PAPOLA: variants seen among roughly 807,000 people sequenced by gnomAD.
The protein encoded by PAPOLA is polynucleotide adenylyltransferase alpha.
PAPOLA carries 15 observed loss-of-function variants against 100.6 expected under a neutral mutation model. The ratio of observed to expected loss-of-function variants is 0.15; its 90% CI spans 0.10 to 0.23. PAPOLA has a LOEUF of 0.23. PAPOLA is among the 10% of genes least tolerant of loss of function. The pLI, the probability that PAPOLA is intolerant of heterozygous loss-of-function variation, is 1.00. For missense variants in PAPOLA, 533 were observed against 884.2 expected (o/e 0.60, Z 5.04); for synonymous variants, 293 against 300.0 (o/e 0.98, Z 0.24).
At chr14:96,528,817 T>C (rs1898735877) in intron 6 of PAPOLA, among the ~76,000 whole-genome samples, 1 of 152,220 alleles carries the variant, frequency 6.6e-6, no homozygotes, top group African/African-American at 2.4e-5. Flanking sequence ...CTGTATTTTA[T>C]GAAAAGTCAA....
chr14:96,522,888 A>G (rs753726570), intron 3 of PAPOLA, among the ~76,000 whole-genome samples: 45 of 152,194 alleles, frequency 3.0e-4, no homozygotes, highest in Non-Finnish European at 6.0e-4. Flanking sequence ...TGTTTAATCT[A>G]TAATATAACT....
chr14:96,520,255 A>C (rs750645483), intron 2 of PAPOLA, 27 bp downstream of exon 2: 3 of 1,558,914 alleles, frequency 1.9e-6, no homozygotes, highest in Non-Finnish European at 2.6e-6. Context: ...TATTTTTTTA[A>C]CTCGGAAACT....
At chr14:96,549,093 C>T (rs1006062102) in intron 16 of PAPOLA, among the ~76,000 whole-genome samples, 6 of 152,064 alleles carry the variant, frequency 3.9e-5, no homozygotes, top group Non-Finnish European at 8.8e-5. Flanking sequence ...TACATAAATA[C>T]ATGTAAATGG....
intron 21 of PAPOLA, among the ~76,000 whole-genome samples, chr14:96,564,497 T>C (rs4905505): frequency 0.022 from 3,345 of 152,220 alleles, 64 homozygotes; most frequent in Non-Finnish European, 0.036. Flanking sequence ...GCTGTATATA[T>C]TTGTTTAATT....
At chr14:96,534,597 A>G (rs1372110459) in intron 10 of PAPOLA, 34 bp downstream of exon 10, 1 of 1,613,670 alleles carries the variant, frequency 6.2e-7, no homozygotes, top group Non-Finnish European at 8.5e-7. Context: ...ACCAATTCAC[A>G]CTGTGCAATA....
intron 11 of PAPOLA, 125 bp downstream of exon 11, chr14:96,536,124 A>G: frequency 9.2e-6 from 6 of 649,816 alleles, no homozygotes; most frequent in Non-Finnish European, 1.4e-5. Context: ...GTGTTCATTT[A>G]TTTATTACAG....
intron 2 of PAPOLA, 155 bp from the exon 3 acceptor site, chr14:96,520,851 C>CGA (rs903398664): frequency 1.7e-4 from 94 of 547,706 alleles, no homozygotes; most frequent in African/African-American, 9.6e-4. Flanking sequence ...AGAGAGAAAG[C>CGA]GAGAGAGAGA....
In PAPOLA at chr14:96,511,582, G is replaced by T. The variant is rs567675562; in HGVS notation, c.9-8473G>T. On this transcript the variant is annotated intron_variant, in intron 1 of 21. Transcript: ENST00000216277. ...TGATTTTATCTTTGTTTCTTTAATGGTTTTTTTCCCAAACTTCTACTTTGC... is the reference window on the plus strand; with the variant it reads ...TGATTTTATCTTTGTTTCTTTAATGTTTTTTTTCCCAAACTTCTACTTTGC... 3.9e-5 allele frequency among the ~76,000 whole-genome samples: 6 copies of T among 152,170 alleles called. No individual in the cohort carries two copies. The South Asian group carries it at 1.0e-3, about 26-fold the overall frequency.
In PAPOLA at chr14:96,502,487, C is replaced by A; in HGVS notation, c.-106C>A. ...TGCGGGAGAGGGGTTGGACCCAGGG[C>A]TGAGGCAGGCCCCCCCCTCCCTCCC... On this transcript the variant is annotated 5_prime_UTR_variant, in exon 1 of 22. The change creates a new upstream start codon in the 5' untranslated region. Transcript: ENST00000216277. 3.5e-6 allele frequency: 3 copies of A among 868,376 alleles called. No individual in the cohort carries two copies. Among genetic ancestry groups the A allele is most frequent in the Non-Finnish European group, 5.5e-6 (3 of 546,298 alleles). 53.8% of individuals were successfully genotyped at this position (868,376 alleles called of 1,614,324 possible).
Position 96,555,965 on chromosome 14 carries a change from G to A in PAPOLA, c.1765+18G>A, listed in dbSNP as rs749702870. 2 of 1,505,938 alleles carry A rather than the reference G, an allele frequency of 1.3e-6. No homozygotes were observed. Among genetic ancestry groups the A allele is most frequent in the African/African-American group, 2.8e-5 (2 of 72,646 alleles). 93.3% of individuals were successfully genotyped at this position (1,505,938 alleles called of 1,614,324 possible). ...CTCAGGGGGTAAGGAGATTGGGTTT[G>A]TCAGGTTTGAGAATTCTTACATTAT... is the stretch of plus-strand genomic sequence containing the variant. On this transcript the variant is annotated intron_variant, in intron 18 of 21. Coordinates refer to ENST00000216277, the MANE Select transcript of PAPOLA (RefSeq NM_032632.5).
chr14:96,528,077 C>A, intron 6 of PAPOLA, 71 bp downstream of exon 6: 1 of 1,038,270 alleles, frequency 9.6e-7, no homozygotes, highest in Non-Finnish European at 1.5e-6. Flanking sequence ...AGGTTAAAAA[C>A]TTGGTTTAAA....
chr14:96,548,020 A>T, intron 16 of PAPOLA, 102 bp downstream of exon 16: 1 of 970,592 alleles, frequency 1.0e-6, no homozygotes, highest in Non-Finnish European at 1.5e-6. Flanking sequence ...AGTCATTTTA[A>T]ATAGATGACA....
chr14:96,550,849 A>G (rs1168325237), intron 16 of PAPOLA, among the ~76,000 whole-genome samples: 1 of 152,226 alleles, frequency 6.6e-6, no homozygotes, highest in Non-Finnish European at 1.5e-5. Context: ...TTGGACTCTT[A>G]TAAATAGCTT....
chr14:96,509,928 G>A (rs967085248), intron 1 of PAPOLA, among the ~76,000 whole-genome samples: 4 of 147,266 alleles, frequency 2.7e-5, no homozygotes, highest in African/African-American at 7.5e-5. Flanking sequence ...CCACTTAGAC[G>A]CCGCTTTGTT....
chr14:96,518,876 G>A (rs1897701273), intron 1 of PAPOLA, among the ~76,000 whole-genome samples: 3 of 151,820 alleles, frequency 2.0e-5, no homozygotes, highest in Non-Finnish European at 2.9e-5. Context: ...GGCCAACATG[G>A]TGAAACCCTG....
At chr14:96,535,722 A>G (rs374523706) in intron 10 of PAPOLA, 157 bp from the exon 11 acceptor site, 1 of 810,490 alleles carries the variant, frequency 1.2e-6, no homozygotes, top group Non-Finnish European at 1.7e-6. Flanking sequence ...AAAAATTCCT[A>G]TAAAAACAAT....
At chr14:96,543,105 T>G (rs1158834599) in intron 14 of PAPOLA, among the ~76,000 whole-genome samples, 1 of 152,144 alleles carries the variant, frequency 6.6e-6, no homozygotes, top group Non-Finnish European at 1.5e-5. Context: ...TTTTTTCTGA[T>G]AATATTCTTC....
At chr14:96,530,503 C>T (rs1474336756) in intron 6 of PAPOLA, among the ~76,000 whole-genome samples, 1 of 151,648 alleles carries the variant, frequency 6.6e-6, no homozygotes, top group Non-Finnish European at 1.5e-5. Flanking sequence ...CCTCCTACCT[C>T]AGCCCCCCCA....
At chr14:96,517,973 G>A (rs1286191129) in intron 1 of PAPOLA, among the ~76,000 whole-genome samples, 2 of 151,880 alleles carry the variant, frequency 1.3e-5, no homozygotes, top group African/African-American at 4.8e-5. Context: ...AAATTTGCTG[G>A]GATTACAAGT....
Sources: allele counts gnomAD v4.1 joint callset (sites outside exome capture counted in the v4.1 genomes callset), GRCh38; gene constraint gnomAD v4.1.1; transcripts MANE v1.5; gene names NCBI Gene and HGNC (gene_info 2026-07-23, HGNC 2026-07-21).